The following TTC27 variants were observed in gnomAD, a reference collection of about 807,000 sequenced individuals.
TTC27 encodes tetratricopeptide repeat protein 27.
In TTC27, 79 loss-of-function variants were observed where a neutral mutation model predicts 115.9. That is an observed-to-expected ratio of 0.68 (90% CI 0.57 to 0.82). The LOEUF (loss-of-function observed/expected upper bound fraction) is 0.82, where lower values mean the gene tolerates loss of function less well. TTC27 is among the 40% of genes least tolerant of loss of function. The probability of loss-of-function intolerance (pLI) is 0.00; values close to 1 mark genes in which losing one functional copy is unlikely to be tolerated. For synonymous variants in TTC27, 401 were observed against 356.0 expected, an observed-to-expected ratio of 1.13 and a Z score of -1.42; for missense variants, 1,054 against 993.1, an observed-to-expected ratio of 1.06 and a Z score of -0.82.
chr2:32,752,423 T>G (rs1455839047), intron 12 of TTC27, among the ~76,000 whole-genome samples: 2 of 152,212 alleles, frequency 1.3e-5, no homozygotes, highest in Non-Finnish European at 2.9e-5. Flanking sequence ...TTTGGCCACA[T>G]TTGAGTCCAG....
chr2:32,752,864 C>A (rs1199509498), intron 12 of TTC27, among the ~76,000 whole-genome samples: 1 of 152,068 alleles, frequency 6.6e-6, no homozygotes, highest in Non-Finnish European at 1.5e-5. Flanking sequence ...CTGCTCCTGG[C>A]CAGGATGAAG....
intron 11 of TTC27, among the ~76,000 whole-genome samples, chr2:32,734,752 G>T (rs1421399613): frequency 6.6e-6 from 1 of 152,054 alleles, no homozygotes; most frequent in African/African-American, 2.4e-5. Flanking sequence ...CATGAACTAG[G>T]TTTCTAGTTT....
chr2:32,762,220 T>TG (rs1217245926), intron 13 of TTC27, among the ~76,000 whole-genome samples: 5 of 150,762 alleles, frequency 3.3e-5, no homozygotes, highest in African/African-American at 1.2e-4. Context: ...AGTGCAGTGG[T>TG]GGGGGCATTC....
chr2:32,760,875 G>A (rs1393763881), intron 13 of TTC27, among the ~76,000 whole-genome samples: 4 of 152,062 alleles, frequency 2.6e-5, no homozygotes, highest in East Asian at 3.8e-4. Flanking sequence ...CTTCTGCCTC[G>A]CTGGCAGCTC....
intron 16 of TTC27, among the ~76,000 whole-genome samples, chr2:32,809,845 G>A (rs1671257740): frequency 2.0e-5 from 3 of 152,346 alleles, no homozygotes; most frequent in South Asian, 2.1e-4. Flanking sequence ...TAGGCCGGGC[G>A]CAGTGGCTCA....
At chr2:32,648,092 T>C (rs934612900) in intron 4 of TTC27, among the ~76,000 whole-genome samples, 10 of 152,080 alleles carry the variant, frequency 6.6e-5, no homozygotes, top group African/African-American at 2.2e-4. Context: ...GAGGATGATA[T>C]TGGGGCTGTG....
chr2:32,748,911 C>A (rs1668918800), intron 12 of TTC27, among the ~76,000 whole-genome samples: 1 of 152,106 alleles, frequency 6.6e-6, no homozygotes, highest in Non-Finnish European at 1.5e-5. Context: ...TGGTCTCGAA[C>A]TCCTGACCTC....
chr2:32,640,283 A>G lies in TTC27; in HGVS notation c.410A>G (p.Asp137Gly). 2 of 1,613,786 alleles carry G rather than the reference A, an allele frequency of 1.2e-6. No homozygotes were observed. Among genetic ancestry groups the G allele is most frequent in the Non-Finnish European group, 1.7e-6 (2 of 1,179,918 alleles). ...FQQFSEVKGL[D>G]AFVLSLLTLD... is the part of the protein sequence containing the mutation. The stretch of plus-strand genomic sequence containing the variant: ...TCCTTTTTTCAGGTTAAAGGACTGG[A>G]TGCATTTGTTCTGAGCCTGCTCACT... The change falls in exon 4 of 20, where the codon GAT becomes GGT. Residue 137 changes from aspartate (D) to glycine (G), a missense_variant. By Grantham distance (94) the Asp-to-Gly change is moderately conservative. Coordinates refer to ENST00000317907, the MANE Select transcript of TTC27 (RefSeq NM_017735.5).
chr2:32,768,170 CTTGA>C (rs1430715161), intron 13 of TTC27, among the ~76,000 whole-genome samples: 6 of 152,222 alleles, frequency 3.9e-5, no homozygotes, highest in Admixed American at 6.5e-5. Flanking sequence ...AATTGTACAG[CTTGA>C]TTAATTCTCC....
chr2:32,762,678 G>T (rs570503652), intron 13 of TTC27, among the ~76,000 whole-genome samples: 47 of 151,904 alleles, frequency 3.1e-4, no homozygotes, highest in African/African-American at 9.7e-4. Flanking sequence ...CTGTCACCCA[G>T]GCTGGAGTGC....
chr2:32,656,759 A>C (rs1319198146), intron 5 of TTC27, among the ~76,000 whole-genome samples: 1 of 152,150 alleles, frequency 6.6e-6, no homozygotes, highest in Non-Finnish European at 1.5e-5. Context: ...CCCATCTTTT[A>C]AGGCCCCACC....
At chr2:32,701,889 C>A (rs894447673) in intron 9 of TTC27, among the ~76,000 whole-genome samples, 1 of 151,808 alleles carries the variant, frequency 6.6e-6, no homozygotes, top group African/African-American at 2.4e-5. Context: ...TACAGGCCTG[C>A]CGTCCAAGCT....
At chr2:32,641,894 A>C (rs1487828638) in intron 4 of TTC27, among the ~76,000 whole-genome samples, 1 of 150,364 alleles carries the variant, frequency 6.7e-6, no homozygotes, top group African/African-American at 2.5e-5. Context: ...CTCGCTCTGT[A>C]GCCCAGGCTG....
rs547664290 is a variant in TTC27 at position 32,817,553 on chromosome 2, C to A, written c.2405C>A (p.Ala802Glu). The A allele has an allele frequency of 6.2e-7, 1 of 1,612,102 alleles. No individual in the cohort carries two copies. The highest frequency in any genetic ancestry group is 1.1e-5 in the South Asian group (1 of 91,028). ...AATTTACGGGGCTTGTTATCTAAAG[C>A]AAAGGTGAGAGTGACATGTGAATTA... ...RLNLRGLLSK[A>E]KQLFTDVATG... The change falls in exon 19 of 20, where the codon GCA becomes GAA. Residue 802 changes from alanine to glutamate, a missense_variant. By Grantham distance (107) the Ala-to-Glu change is moderately radical. Transcript: ENST00000317907.
intron 9 of TTC27, among the ~76,000 whole-genome samples, chr2:32,690,820 C>A (rs768856184): frequency 3.9e-5 from 6 of 152,150 alleles, no homozygotes; most frequent in Non-Finnish European, 7.4e-5. Context: ...GTACTGATTT[C>A]AAAAATGAAT....
At chr2:32,752,984 T>C (rs749882037) in intron 12 of TTC27, among the ~76,000 whole-genome samples, 2 of 152,214 alleles carry the variant, frequency 1.3e-5, no homozygotes, top group African/African-American at 4.8e-5. Flanking sequence ...AATCATTTGT[T>C]TCCCTCTCAT....
chr2:32,701,954 C>T (rs1667198217), intron 9 of TTC27, among the ~76,000 whole-genome samples: 1 of 150,018 alleles, frequency 6.7e-6, no homozygotes, highest in South Asian at 2.1e-4. Context: ...GAAGCTGTAG[C>T]TTGCCATGAT....
chr2:32,692,036 G>GTTTTTTTTTTTGTTTTTTTTTTTTTTT (rs1666831349), intron 9 of TTC27, among the ~76,000 whole-genome samples: 1 of 61,188 alleles, frequency 1.6e-5, no homozygotes, highest in Non-Finnish European at 2.9e-5. Context: ...AATTTTTTAG[G>GTTTTTTTTTTTGTTTTTTTTTTTTTTT]TTTTTTTTTT....
At chr2:32,743,394 A>G (rs746420546) in intron 12 of TTC27, among the ~76,000 whole-genome samples, 10 of 152,088 alleles carry the variant, frequency 6.6e-5, no homozygotes, top group Non-Finnish European at 1.0e-4. Context: ...CTTTACCCCA[A>G]ACCCAAGGCT....
Sources: gnomAD v4.1 joint callset for allele counts (sites outside exome capture counted in the v4.1 genomes callset) on GRCh38, gnomAD v4.1.1 for gene constraint, MANE v1.5 for transcripts, NCBI Gene and HGNC (gene_info 2026-07-23, HGNC 2026-07-21) for gene names.